SGTB: variants seen among roughly 807,000 people sequenced by gnomAD.
The protein encoded by SGTB is small glutamine-rich tetratricopeptide repeat-containing protein beta.
A neutral mutation model predicts 43.9 loss-of-function variants in SGTB; 19 were observed. The observed-to-expected ratio is 0.43, with a 90% CI of 0.30 to 0.63. The LOEUF is 0.63. SGTB is among the 30% of genes least tolerant of loss of function. The pLI is 0.12. For synonymous variants in SGTB, 116 were observed against 117.3 expected (o/e 0.99, Z 0.07); for missense variants, 304 against 358.9 (o/e 0.85, Z 1.24).
chr5:65,722,531 G>T, upstream of SGTB: 1 of 938,290 alleles, frequency 1.1e-6, no homozygotes, highest in Admixed American at 2.6e-5. Flanking sequence ...CTCCCGGGAC[G>T]CACCCTCCCC....
upstream of SGTB, chr5:65,722,255 A>G (rs1277146634): frequency 1.5e-6 from 1 of 673,608 alleles, no homozygotes; most frequent in Non-Finnish European, 2.3e-6. Context: ...CCAGGCAGCC[A>G]CTGTGGCCTC....
intron 6 of SGTB, among the ~76,000 whole-genome samples, chr5:65,684,863 C>T (rs1188660944): frequency 6.6e-6 from 1 of 152,088 alleles, no homozygotes; most frequent in Non-Finnish European, 1.5e-5. Context: ...AGAATGCTTC[C>T]ATTTTAACAA....
In SGTB at chr5:65,668,887, A is replaced by AG. The variant is rs1757097925; in HGVS notation, c.*1358dup. 1.3e-5 allele frequency: 2 copies of AG among 152,280 alleles called. No individual in the cohort carries two copies. Among genetic ancestry groups the AG allele is most frequent in the African/African-American group, 4.8e-5 (2 of 41,562 alleles). 9.4% of individuals were successfully genotyped at this position (152,280 alleles called of 1,614,324 possible). On this transcript the variant is annotated 3_prime_UTR_variant, in exon 11 of 11. Coordinates refer to ENST00000381007, the MANE Select transcript of SGTB (RefSeq NM_019072.3). ...TGCAACACCACTCTAGCCTGGCAAA[A>AG]GAGTAAGACTCCATCTCAAAAAAAC...
At position 65,672,240 on chromosome 5, in the gene SGTB, T is replaced by TTA; in HGVS notation, c.719+2_719+3dup. The TTA allele has an allele frequency of 6.2e-7, 1 of 1,614,074 alleles. No homozygotes were observed. The highest frequency in any genetic ancestry group is 8.5e-7 in the Non-Finnish European group (1 of 1,179,986). ...AGTGTAATAAGCTCTTTCTATATAC[T>TTA]TACAGCTGTTGAACTTGAGGGTTCT... On this transcript the variant is annotated splice_donor_region_variant and intron_variant, in intron 9 of 10. Transcript: ENST00000381007.
At chr5:65,721,501 A>G (rs1758278735) in intron 1 of SGTB, among the ~76,000 whole-genome samples, 1 of 152,164 alleles carries the variant, frequency 6.6e-6, no homozygotes, top group Admixed American at 6.5e-5. Flanking sequence ...ATACTATCGC[A>G]TCCAAACAGT....
rs753911300 is a variant in SGTB, at chr5:65,720,763, T to G, written c.45A>C (p.Leu15Phe). The G allele has an allele frequency of 1.9e-6, 3 of 1,614,048 alleles. No homozygotes were observed. Among genetic ancestry groups the G allele is most frequent in the South Asian group, 2.2e-5 (2 of 91,066 alleles). Residue 15 changes from leucine (L) to phenylalanine (F), a missense_variant, in exon 2 of 11, where the codon TTA becomes TTC. Physicochemically the swap from Leu to Phe is conservative, Grantham distance 22. Transcript: ENST00000381007. ...AAGTGTCCATCTGACTTTGTTCCCGTAAGAAACGAATAACTGCATAAACCA... is the reference window on the plus strand; with the variant it reads ...AAGTGTCCATCTGACTTTGTTCCCGGAAGAAACGAATAACTGCATAAACCA... The part of the protein sequence containing the change: ...KHLVYAVIRF[L>F]REQSQMDTYT...
intron 6 of SGTB, among the ~76,000 whole-genome samples, chr5:65,684,920 A>G (rs1218724303): frequency 6.6e-6 from 1 of 152,198 alleles, no homozygotes; most frequent in Non-Finnish European, 1.5e-5. Context: ...AGACTGATGG[A>G]TTTGCAAGGA....
Position 65,688,213 on chromosome 5 carries a change from G to A in SGTB, c.375-2741C>T, listed in dbSNP as rs191010015. 2.2e-3 allele frequency among the ~76,000 whole-genome samples: 332 copies of A among 152,038 alleles called. 2 individuals carry two copies. Among genetic ancestry groups the A allele is most frequent in the African/African-American group, 7.8e-3 (323 of 41,478 alleles). On this transcript the variant is annotated intron_variant, in intron 5 of 10. Coordinates refer to ENST00000381007, the MANE Select transcript of SGTB (RefSeq NM_019072.3). ...TTATATATAATAAGCAGAGCCACTG[G>A]AAGAAAAAAAATCTTGTCCAGAAAC...
Position 65,670,371 on chromosome 5 carries a change from G to A in SGTB, c.804-14C>T. The A allele has an allele frequency of 6.2e-7, 1 of 1,607,332 alleles. No homozygotes were observed. The highest frequency in any genetic ancestry group is 8.5e-7 in the Non-Finnish European group (1 of 1,174,346). The stretch of plus-strand genomic sequence containing the variant: ...AACTGCTGTCCCCTGTAGTAAAGAG[G>A]CAATGTGGTTTGAATAGGGAATTGC... On this transcript the variant is annotated splice_polypyrimidine_tract_variant and intron_variant, in intron 10 of 10. Transcript: ENST00000381007.
intron 8 of SGTB, among the ~76,000 whole-genome samples, chr5:65,678,739 G>T (rs1306347812): frequency 6.6e-6 from 1 of 151,782 alleles, no homozygotes; most frequent in Non-Finnish European, 1.5e-5. Context: ...AAAGCAATGG[G>T]GAAAGGATTC....
intron 5 of SGTB, among the ~76,000 whole-genome samples, chr5:65,697,349 T>C (rs1757733205): frequency 6.6e-6 from 1 of 152,192 alleles, no homozygotes; most frequent in Admixed American, 6.6e-5. Flanking sequence ...AAAAATTTCT[T>C]CTAATACAGT....
At chr5:65,689,565 CGAA>C (rs1046715906) in intron 5 of SGTB, among the ~76,000 whole-genome samples, 4 of 152,008 alleles carry the variant, frequency 2.6e-5, no homozygotes, top group African/African-American at 9.7e-5. Flanking sequence ...AAAGATACAG[CGAA>C]GGAGTAAAGC....
rs1163831601 is a variant in SGTB at position 65,708,027 on chromosome 5, A to G, written c.274+462T>C. Among the ~76,000 whole-genome samples the G allele has an allele frequency of 2.0e-5, 3 of 152,356 alleles. No individual in the cohort carries two copies. The South Asian group carries it at 6.2e-4, about 32-fold the overall frequency. On this transcript the variant is annotated intron_variant, in intron 4 of 10. Transcript: ENST00000381007. ...ATTTCTTAAAACCAAGAATGCTTCAATAGCCAACTAGTATAAAATTTAATA... is the reference window on the plus strand; with the variant it reads ...ATTTCTTAAAACCAAGAATGCTTCAGTAGCCAACTAGTATAAAATTTAATA...
At chr5:65,715,761 G>A (rs189739048) in intron 2 of SGTB, among the ~76,000 whole-genome samples, 33 of 152,214 alleles carry the variant, frequency 2.2e-4, no homozygotes, top group African/African-American at 6.5e-4. Flanking sequence ...CAGCTGCAGG[G>A]TTTTTGTTGT....
In SGTB at chr5:65,680,519, A is replaced by G; in HGVS notation, c.656T>C (p.Ile219Thr). The G allele has an allele frequency of 6.2e-7, 1 of 1,614,160 alleles. No individual in the cohort carries two copies. The highest frequency in any genetic ancestry group is 2.2e-5 in the East Asian group (1 of 44,864). ...CATACTAATGAAGGCTGGATTATTTATCAAGCTAGCCATGTCAAAGCTCAG... is the reference window on the plus strand; with the variant it reads ...CATACTAATGAAGGCTGGATTATTTGTCAAGCTAGCCATGTCAAAGCTCAG... Reference protein sequence around the residue: ...TGLSFDMASLINNPAFISMAA... With the variant: ...TGLSFDMASLTNNPAFISMAA... The change falls in exon 8 of 11, where the codon ATA (isoleucine) becomes ACA (threonine). Residue 219 changes from isoleucine to threonine, a missense_variant. Coordinates refer to ENST00000381007, the MANE Select transcript of SGTB (RefSeq NM_019072.3).
upstream of SGTB, chr5:65,722,979 G>GA (rs1258212279): frequency 6.6e-6 from 1 of 152,538 alleles, no homozygotes; most frequent in Non-Finnish European, 1.5e-5. Context: ...CCAAAATGGA[G>GA]AAAATGATCG....
Position 65,685,394 on chromosome 5 carries a change from C to T in SGTB, c.453G>A (p.Lys151=). ...CCATTCTCCCATAGGCCTTGCTGTA[C>T]TTTGAATCAATTGCTATTGCTTTTT... The part of the protein sequence containing the change: ...DCEKAIAIDS[K]YSKAYGRMGL... The change falls in exon 6 of 11, where the codon AAG becomes AAA. Residue 151 remains lysine, a synonymous_variant. Coordinates refer to ENST00000381007, the MANE Select transcript of SGTB (RefSeq NM_019072.3). 1.2e-6 allele frequency: 2 copies of T among 1,614,168 alleles called. No individual in the cohort carries two copies. Among genetic ancestry groups the T allele is most frequent in the Non-Finnish European group, 1.7e-6 (2 of 1,180,026 alleles).
rs190202911 is a variant in SGTB at position 65,699,334 on chromosome 5, T to C, written c.374+4945A>G. Among the ~76,000 whole-genome samples, 69 of 152,310 alleles carry C rather than the reference T, an allele frequency of 4.5e-4. 1 individual carries two copies. Among genetic ancestry groups the C allele is most frequent in the Admixed American group, 1.8e-3 (28 of 15,298 alleles). ...TCACTTATAAGTAGGAGCTAAGCTA[T>C]TGGTACACAAAGGCATACAGAGTAG... is the stretch of plus-strand genomic sequence containing the variant. On this transcript the variant is annotated intron_variant, in intron 5 of 10. Coordinates refer to ENST00000381007, the MANE Select transcript of SGTB (RefSeq NM_019072.3).
chr5:65,671,847 C>A, intron 10 of SGTB, 68 bp downstream of exon 10: 1 of 1,427,084 alleles, frequency 7.0e-7, no homozygotes, highest in South Asian at 1.2e-5. Context: ...GCCCTGACCC[C>A]TCACCATAGA....
Sources: gnomAD v4.1 joint callset for allele counts (sites outside exome capture counted in the v4.1 genomes callset) on GRCh38, gnomAD v4.1.1 for gene constraint, MANE v1.5 for transcripts, NCBI Gene and HGNC (gene_info 2026-07-23, HGNC 2026-07-21) for gene names.